The following SLC24A2 variants were observed in gnomAD, a reference collection of about 807,000 sequenced individuals.
SLC24A2 encodes the protein solute carrier family 24 member 2, also known as sodium/potassium/calcium exchanger 2.
SLC24A2 carries 36 observed loss-of-function variants against 62.0 expected under a neutral mutation model. That is an observed-to-expected ratio of 0.58 (90% CI 0.44 to 0.77). The LOEUF (loss-of-function observed/expected upper bound fraction) is 0.77. Ranked by LOEUF, SLC24A2 falls within the 30% of genes least tolerant of loss-of-function variation. The probability of loss-of-function intolerance (pLI) is 0.00; values close to 1 mark genes in which losing one functional copy is unlikely to be tolerated. For missense variants in SLC24A2, 846 were observed against 817.9 expected (o/e 1.03, Z -0.42); for synonymous variants, 358 against 294.0 (o/e 1.22, Z -2.23).
the SLC24A2 span, among the ~76,000 whole-genome samples, chr9:20,265,910 C>T: frequency 3.9e-5 from 6 of 152,080 alleles, no homozygotes; most frequent in Admixed American, 1.3e-4. Context: ...CTTTTATGGT[C>T]GATCTGTAGG....
chr9:20,218,851 G>C, the SLC24A2 span, among the ~76,000 whole-genome samples: 1 of 152,082 alleles, frequency 6.6e-6, no homozygotes, highest in Non-Finnish European at 1.5e-5. Context: ...CTCCACTACC[G>C]AGTCTCATCA....
chr9:20,191,821 G>A, the SLC24A2 span, among the ~76,000 whole-genome samples: 1 of 152,082 alleles, frequency 6.6e-6, no homozygotes, highest in South Asian at 2.1e-4. Flanking sequence ...GTGAAAAAAA[G>A]AGTGAGGTTT....
chr9:20,109,884 T>C, the SLC24A2 span, among the ~76,000 whole-genome samples: 1 of 152,158 alleles, frequency 6.6e-6, no homozygotes, highest in Non-Finnish European at 1.5e-5. Context: ...GGGATGCCAC[T>C]TTTTCAACTT....
chr9:19,602,546 AT>A (rs1291067824), intron 4 of SLC24A2, among the ~76,000 whole-genome samples: 1 of 152,212 alleles, frequency 6.6e-6, no homozygotes, highest in Non-Finnish European at 1.5e-5. Flanking sequence ...TTACATTGGT[AT>A]TATTTAAAGA....
intron 5 of SLC24A2, among the ~76,000 whole-genome samples, chr9:19,592,920 C>T (rs997773159): frequency 8.5e-5 from 13 of 152,060 alleles, no homozygotes; most frequent in African/African-American, 2.4e-4. Context: ...TACCAAAAGA[C>T]ATTTTTGTCC....
At chr9:20,159,650 T>C in the SLC24A2 span, among the ~76,000 whole-genome samples, 1 of 151,490 alleles carries the variant, frequency 6.6e-6, no homozygotes, top group African/African-American at 2.4e-5. Flanking sequence ...TAAGATGATT[T>C]ATCCTTGTAT....
At chr9:19,661,299 A>G (rs1388891534) in intron 2 of SLC24A2, among the ~76,000 whole-genome samples, 2 of 151,930 alleles carry the variant, frequency 1.3e-5, no homozygotes, top group East Asian at 3.9e-4. Context: ...TATTTAACCG[A>G]CACCTCTAAT....
chr9:19,878,206 G>A, the SLC24A2 span, among the ~76,000 whole-genome samples: 1 of 152,062 alleles, frequency 6.6e-6, no homozygotes, highest in South Asian at 2.1e-4. Context: ...AATTTAGGCG[G>A]CTGCAGTTTG....
At chr9:19,529,950 A>G (rs1301020869) in intron 8 of SLC24A2, among the ~76,000 whole-genome samples, 1 of 151,720 alleles carries the variant, frequency 6.6e-6, no homozygotes, top group Non-Finnish European at 1.5e-5. Flanking sequence ...GCAGGGTTTC[A>G]CCATGTTGGC....
chr9:20,099,691 A>G, the SLC24A2 span, among the ~76,000 whole-genome samples: 2 of 152,186 alleles, frequency 1.3e-5, no homozygotes, highest in African/African-American at 2.4e-5. Flanking sequence ...CAGAGATTCA[A>G]GCTATAGTTT....
At chr9:20,097,670 C>T in the SLC24A2 span, among the ~76,000 whole-genome samples, 1 of 147,160 alleles carries the variant, frequency 6.8e-6, no homozygotes, top group Non-Finnish European at 1.5e-5. Context: ...TGGTTGCTGA[C>T]CAAGTAGAAT....
At chr9:19,988,939 C>T in the SLC24A2 span, among the ~76,000 whole-genome samples, 1 of 152,248 alleles carries the variant, frequency 6.6e-6, no homozygotes, top group Non-Finnish European at 1.5e-5. Context: ...TGCTCACAGA[C>T]ATTAGATTTT....
chr9:19,563,831 TCCC>T (rs1835534390), intron 7 of SLC24A2, among the ~76,000 whole-genome samples: 3 of 67,712 alleles, frequency 4.4e-5, no homozygotes, highest in Admixed American at 1.6e-4. Flanking sequence ...CCTTCCTCCC[TCCC>T]TCCCTCCCTC....
At chr9:20,110,654 T>C in the SLC24A2 span, among the ~76,000 whole-genome samples, 1 of 152,144 alleles carries the variant, frequency 6.6e-6, no homozygotes, top group African/African-American at 2.4e-5. Context: ...CTAGATCTTC[T>C]CTTTGGTGAA....
intron 2 of SLC24A2, among the ~76,000 whole-genome samples, chr9:19,678,063 C>G (rs971722467): frequency 2.8e-4 from 43 of 152,244 alleles, no homozygotes; most frequent in African/African-American, 9.1e-4. Context: ...CTAGCTTAAG[C>G]AGATGACTCA....
intron 3 of SLC24A2, among the ~76,000 whole-genome samples, chr9:19,621,516 G>A (rs768889654): frequency 2.0e-5 from 3 of 152,204 alleles, no homozygotes; most frequent in Non-Finnish European, 2.9e-5. Flanking sequence ...GGATTCAGAT[G>A]ATTACGGTTC....
the SLC24A2 span, among the ~76,000 whole-genome samples, chr9:20,146,689 A>G: frequency 6.6e-6 from 1 of 152,070 alleles, no homozygotes; most frequent in African/African-American, 2.4e-5. Context: ...CTGCTGAAAG[A>G]CACCCTGTCA....
chr9:20,221,305 C>A, the SLC24A2 span, among the ~76,000 whole-genome samples: 1 of 151,794 alleles, frequency 6.6e-6, no homozygotes, highest in Admixed American at 6.6e-5. Flanking sequence ...ACAGTGATAG[C>A]AGTAAGAGTG....
At chr9:19,653,032 G>A (rs1013484492) in intron 2 of SLC24A2, among the ~76,000 whole-genome samples, 3 of 152,192 alleles carry the variant, frequency 2.0e-5, no homozygotes, top group Admixed American at 6.5e-5. Flanking sequence ...TTTACCCACA[G>A]TGTTCCAACT....
Sources: allele counts gnomAD v4.1 joint callset (sites outside exome capture counted in the v4.1 genomes callset), GRCh38; gene constraint gnomAD v4.1.1; transcripts MANE v1.5; gene names NCBI Gene and HGNC (gene_info 2026-07-23, HGNC 2026-07-21).